Variants in RBFOX1 observed in about 807,000 individuals in gnomAD.
The protein encoded by RBFOX1 is RNA binding fox-1 homolog 1, also known as RNA binding protein fox-1 homolog 1.
In RBFOX1, 8 loss-of-function variants were observed where a neutral mutation model predicts 57.7. The ratio of observed to expected loss-of-function variants is 0.14; its 90% CI spans 0.08 to 0.25. The LOEUF is 0.25. RBFOX1 is among the 10% of genes least tolerant of loss of function. RBFOX1 has a pLI of 1.00. For synonymous variants in RBFOX1, 326 were observed against 222.4 expected, an observed-to-expected ratio of 1.47 and a Z score of -4.15; for missense variants, 611 against 548.5, an observed-to-expected ratio of 1.11 and a Z score of -1.14.
At chr16:7,306,399 G>A (rs1055709685) in intron 4 of RBFOX1, among the ~76,000 whole-genome samples, 1 of 152,156 alleles carries the variant, frequency 6.6e-6, no homozygotes, top group East Asian at 1.9e-4. Context: ...GAAAACATTG[G>A]CAGCCACAAC....
intron 3 of RBFOX1, among the ~76,000 whole-genome samples, chr16:6,855,058 C>A (rs1171348107): frequency 6.6e-6 from 1 of 151,692 alleles, no homozygotes; most frequent in East Asian, 2.0e-4. Flanking sequence ...AGGAGTAGGT[C>A]CTGAGAGGAG....
chr16:5,836,962 A>T (rs759848464), intron 3 of RBFOX1, among the ~76,000 whole-genome samples: 1 of 152,112 alleles, frequency 6.6e-6, no homozygotes, highest in Non-Finnish European at 1.5e-5. Context: ...GAAGCTGGAG[A>T]CATGTTCCTA....
chr16:5,873,177 A>G (rs1263929690), intron 4 of RBFOX1, among the ~76,000 whole-genome samples: 1 of 152,070 alleles, frequency 6.6e-6, no homozygotes. Context: ...CAACAACAAC[A>G]ACAACAACAA....
intron 3 of RBFOX1, among the ~76,000 whole-genome samples, chr16:6,697,989 C>G (rs1031630909): frequency 3.3e-5 from 5 of 152,158 alleles, no homozygotes; most frequent in Non-Finnish European, 7.4e-5. Context: ...GTACTTATGT[C>G]TTAACTGATC....
chr16:5,964,950 T>C (rs769214443), intron 4 of RBFOX1, among the ~76,000 whole-genome samples: 24 of 152,174 alleles, frequency 1.6e-4, no homozygotes, highest in Non-Finnish European at 2.6e-4. Context: ...TGAAATTATA[T>C]TCAGTCTTAA....
At chr16:6,523,965 G>A (rs2096543791) in intron 2 of RBFOX1, among the ~76,000 whole-genome samples, 1 of 152,062 alleles carries the variant, frequency 6.6e-6, no homozygotes, top group African/African-American at 2.4e-5. Flanking sequence ...ATGGAGAATG[G>A]GGTCTTCATC....
intron 3 of RBFOX1, among the ~76,000 whole-genome samples, chr16:5,697,532 A>AT (rs374138178): frequency 0.56 from 74,169 of 133,480 alleles, 22,587 homozygotes; most frequent in Non-Finnish European, 0.7. Flanking sequence ...TTTCTTTTCT[A>AT]TTCTTTTTTT....
intron 5 of RBFOX1, among the ~76,000 whole-genome samples, chr16:7,538,783 G>T (rs1413219000): frequency 1.3e-5 from 2 of 152,128 alleles, no homozygotes; most frequent in Non-Finnish European, 2.9e-5. Context: ...TGGGGAGTAA[G>T]TTCCAAGGTT....
chr16:7,060,678 T>A (rs1356630899), intron 4 of RBFOX1, among the ~76,000 whole-genome samples: 3 of 152,082 alleles, frequency 2.0e-5, no homozygotes, highest in African/African-American at 7.2e-5. Context: ...TTTTATTGGA[T>A]CCCCCAGCAA....
chr16:5,568,563 C>A (rs1030716217), intron 2 of RBFOX1, among the ~76,000 whole-genome samples: 1 of 152,116 alleles, frequency 6.6e-6, no homozygotes, highest in Non-Finnish European at 1.5e-5. Context: ...GCTAGGCACT[C>A]AGGGATGTGA....
chr16:5,625,993 C>T (rs1420524968), intron 3 of RBFOX1, among the ~76,000 whole-genome samples: 1 of 152,254 alleles, frequency 6.6e-6, no homozygotes, highest in East Asian at 1.9e-4. Flanking sequence ...TCTCCTGCCT[C>T]AGCCTCCCAT....
At chr16:5,818,696 C>T (rs1029880023) in intron 3 of RBFOX1, among the ~76,000 whole-genome samples, 7 of 152,132 alleles carry the variant, frequency 4.6e-5, no homozygotes, top group African/African-American at 9.7e-5. Context: ...GAGTCTTGAC[C>T]GTAGAGGGGA....
chr16:6,236,921 T>C (rs2097509299), intron 1 of RBFOX1, among the ~76,000 whole-genome samples: 1 of 152,190 alleles, frequency 6.6e-6, no homozygotes, highest in Non-Finnish European at 1.5e-5. Flanking sequence ...CAGTGGCACA[T>C]TGTACCATGG....
At chr16:6,047,547 G>C (rs940511959) in intron 1 of RBFOX1, among the ~76,000 whole-genome samples, 3 of 152,308 alleles carry the variant, frequency 2.0e-5, no homozygotes, top group South Asian at 4.1e-4. Context: ...TCTGCAGCAA[G>C]GGCAGAGCCA....
At chr16:7,255,924 G>A (rs1028041141) in intron 4 of RBFOX1, among the ~76,000 whole-genome samples, 6 of 152,154 alleles carry the variant, frequency 3.9e-5, no homozygotes, top group African/African-American at 1.4e-4. Context: ...CTAGTCTAGA[G>A]GAAATATAAT....
intron 4 of RBFOX1, among the ~76,000 whole-genome samples, chr16:7,232,232 C>G (rs954933007): frequency 6.6e-6 from 1 of 152,062 alleles, no homozygotes; most frequent in Admixed American, 6.5e-5. Flanking sequence ...CCATGTTGGC[C>G]AGGCTGGTCA....
intron 1 of RBFOX1, among the ~76,000 whole-genome samples, chr16:6,034,964 CAG>C (rs2152398065): frequency 1.3e-5 from 1 of 78,932 alleles, no homozygotes; most frequent in South Asian, 3.5e-4. Flanking sequence ...TTTTAAGCAG[CAG>C]AGAGCATACT....
At chr16:6,415,260 A>T (rs1596883263) in intron 2 of RBFOX1, among the ~76,000 whole-genome samples, 2 of 146,000 alleles carry the variant, frequency 1.4e-5, no homozygotes, top group East Asian at 2.4e-4. Flanking sequence ...AAAAAAAAAA[A>T]AAAAAATAGC....
intron 2 of RBFOX1, among the ~76,000 whole-genome samples, chr16:5,587,564 T>A (rs992791109): frequency 6.6e-6 from 1 of 152,044 alleles, no homozygotes; most frequent in Non-Finnish European, 1.5e-5. Context: ...AATACAAAAA[T>A]TGGCCAGGCC....
Sources: allele counts gnomAD v4.1 joint callset (sites outside exome capture counted in the v4.1 genomes callset), GRCh38; gene constraint gnomAD v4.1.1; transcripts MANE v1.5; gene names NCBI Gene and HGNC (gene_info 2026-07-23, HGNC 2026-07-21).